Variants in RBM27 observed in about 807,000 individuals in gnomAD.
RBM27 encodes the protein RNA binding motif protein 27.
A neutral mutation model predicts 135.3 loss-of-function variants in RBM27; 22 were observed. The ratio of observed to expected loss-of-function variants is 0.16; its 90% CI spans 0.12 to 0.23. The LOEUF is 0.23. Among genes scored for constraint, RBM27 ranks in the 10% least tolerant of loss-of-function variants. The pLI is 1.00. For synonymous variants in RBM27, 481 were observed against 442.4 expected (o/e 1.09, Z -1.10); for missense variants, 1,009 against 1,281.0 (o/e 0.79, Z 3.24).
intron 9 of RBM27, 31 bp downstream of exon 9, chr5:146,251,906 C>T: frequency 5.6e-6 from 9 of 1,604,394 alleles, no homozygotes; most frequent in Non-Finnish European, 6.8e-6. Flanking sequence ...CCATCCACCT[C>T]ACTGATCTTT....
intron 16 of RBM27, 23 bp downstream of exon 16, chr5:146,269,304 G>C (rs1310079667): frequency 1.3e-6 from 2 of 1,563,228 alleles, no homozygotes; most frequent in African/African-American, 1.4e-5. Context: ...CTCATTATTT[G>C]CATGCTAGAA....
At chr5:146,250,186 C>G (rs1206919996) in intron 8 of RBM27, among the ~76,000 whole-genome samples, 2 of 151,862 alleles carry the variant, frequency 1.3e-5, no homozygotes, top group Non-Finnish European at 2.9e-5. Flanking sequence ...GGCGCTGGGT[C>G]CGGTGGCACT....
At chr5:146,232,451 A>C (rs977768805) in intron 6 of RBM27, among the ~76,000 whole-genome samples, 2 of 152,212 alleles carry the variant, frequency 1.3e-5, no homozygotes, top group Non-Finnish European at 2.9e-5. Context: ...CATAAATACT[A>C]GTATGCTACT....
intron 3 of RBM27, among the ~76,000 whole-genome samples, chr5:146,224,992 A>T (rs1297625404): frequency 6.6e-6 from 1 of 152,214 alleles, no homozygotes; most frequent in African/African-American, 2.4e-5. Context: ...CATATAAGGA[A>T]TATTCTCTTA....
chr5:146,218,565 G>A (rs1272064688), intron 1 of RBM27, among the ~76,000 whole-genome samples: 1 of 152,192 alleles, frequency 6.6e-6, no homozygotes, highest in Non-Finnish European at 1.5e-5. Flanking sequence ...CTTGAGGAGA[G>A]GAGAAAGTTT....
At chr5:146,237,516 G>A (rs1581176763) in intron 8 of RBM27, 84 bp downstream of exon 8, 1 of 1,420,524 alleles carries the variant, frequency 7.0e-7, no homozygotes, top group African/African-American at 1.4e-5. Context: ...TTAAAAAATG[G>A]TAAATAGTTT....
rs370482009 is a variant in RBM27, at chr5:146,262,566, TTAAA to T, written c.2190+763_2190+766del. 4.2e-3 allele frequency among the ~76,000 whole-genome samples: 645 copies of T among 152,356 alleles called. 2 individuals carry two copies. The highest frequency in any genetic ancestry group is 0.015 in the African/African-American group (624 of 41,576). ...TGACCTAGATAATCTCATGCTTAGA[TTAAA>T]TACAGTCAGATTTTTAAAAAGTATT... On this transcript the variant is annotated intron_variant, in intron 13 of 20. Transcript: ENST00000265271.
chr5:146,263,036 A>G (rs1758463308), intron 13 of RBM27, among the ~76,000 whole-genome samples: 1 of 151,818 alleles, frequency 6.6e-6, no homozygotes, highest in African/African-American at 2.4e-5. Context: ...GGTGCATGCC[A>G]CCACCCCTGC....
At chr5:146,272,232 A>C (rs897214153) in intron 19 of RBM27, among the ~76,000 whole-genome samples, 1 of 152,260 alleles carries the variant, frequency 6.6e-6, no homozygotes. Context: ...ATGACTGTAT[A>C]AATGTGAAAT....
intron 14 of RBM27, among the ~76,000 whole-genome samples, 168 bp from the exon 15 acceptor site, chr5:146,267,481 A>G (rs187214078): frequency 6.0e-4 from 92 of 152,288 alleles, no homozygotes; most frequent in African/African-American, 2.0e-3. Flanking sequence ...TTGGGTGACA[A>G]ATTTATGCAT....
chr5:146,229,048 A>G lies in RBM27; in HGVS notation c.395+11A>G. ...ATCTAGTGAACGAAGGTTTGTGTTT[A>G]TCTTTAATTAGGAAGACATTGATAA... On this transcript the variant is annotated intron_variant, in intron 4 of 20. Transcript: ENST00000265271. 1.2e-6 allele frequency: 2 copies of G among 1,606,958 alleles called. No individual in the cohort carries two copies. Among genetic ancestry groups the G allele is most frequent in the Non-Finnish European group, 1.7e-6 (2 of 1,174,700 alleles).
Position 146,268,618 on chromosome 5 carries a change from C to CT in RBM27, c.2452-588dup, listed in dbSNP as rs1400467544. On this transcript the variant is annotated intron_variant, in intron 15 of 20. Coordinates refer to ENST00000265271, the MANE Select transcript of RBM27 (RefSeq NM_018989.2). ...CTTTTCTTTGAGACAAGTTCTCACT[C>CT]TGTCACTCACGTTGAGTGCAGTGTC... 2.6e-5 allele frequency among the ~76,000 whole-genome samples: 4 copies of CT among 152,260 alleles called. No homozygotes were observed. The East Asian group carries it at 7.7e-4, about 29-fold the overall frequency.
intron 19 of RBM27, among the ~76,000 whole-genome samples, chr5:146,272,586 G>C (rs768321051): frequency 3.9e-5 from 6 of 152,108 alleles, no homozygotes; most frequent in Non-Finnish European, 8.8e-5. Context: ...GCTGGGTGTG[G>C]TGGTGTGCGC....
intron 1 of RBM27, among the ~76,000 whole-genome samples, chr5:146,210,803 C>T (rs986416039): frequency 1.6e-4 from 25 of 152,044 alleles, no homozygotes; most frequent in Middle Eastern, 6.8e-3. Context: ...AAAAATTAGC[C>T]GGGCGTGGTG....
At chr5:146,260,535 T>A (rs73303424) in intron 11 of RBM27, among the ~76,000 whole-genome samples, 3,372 of 152,284 alleles carry the variant, frequency 0.022, 136 homozygotes, top group African/African-American at 0.076. Context: ...GTAATCTGTT[T>A]CTGGATGCTT....
intron 1 of RBM27, among the ~76,000 whole-genome samples, chr5:146,213,260 GC>G: frequency 6.6e-6 from 1 of 152,042 alleles, no homozygotes; most frequent in Non-Finnish European, 1.5e-5. Context: ...GCACCACCAT[GC>G]CCAGCTAATT....
chr5:146,268,416 A>G (rs1758713802), intron 15 of RBM27, among the ~76,000 whole-genome samples: 1 of 151,226 alleles, frequency 6.6e-6, no homozygotes, highest in South Asian at 2.1e-4. Context: ...CTAATTTTGT[A>G]TTTTTAGTAG....
chr5:146,250,006 T>C (rs1412858140), intron 8 of RBM27, among the ~76,000 whole-genome samples: 1 of 152,172 alleles, frequency 6.6e-6, no homozygotes, highest in African/African-American at 2.4e-5. Flanking sequence ...TTGCTTCTTA[T>C]ATACGAAGAA....
chr5:146,253,583 G>A (rs1489128466), intron 9 of RBM27, among the ~76,000 whole-genome samples: 1 of 151,990 alleles, frequency 6.6e-6, no homozygotes, highest in African/African-American at 2.4e-5. Context: ...ATGGGGGTGG[G>A]AGGAAGAGAA....
Sources: gnomAD v4.1 joint callset for allele counts (sites outside exome capture counted in the v4.1 genomes callset) on GRCh38, gnomAD v4.1.1 for gene constraint, MANE v1.5 for transcripts, NCBI Gene and HGNC (gene_info 2026-07-23, HGNC 2026-07-21) for gene names.